The following HMBOX1 variants were observed in gnomAD, a reference collection of about 807,000 sequenced individuals.
HMBOX1 encodes the protein homeobox-containing protein 1.
Under a neutral mutation model 54.5 loss-of-function variants are expected in HMBOX1, and 14 were observed. The observed-to-expected ratio is 0.26, with a 90% CI of 0.17 to 0.40. The LOEUF (loss-of-function observed/expected upper bound fraction) is 0.40. Ranked by LOEUF, HMBOX1 falls within the 10% of genes least tolerant of loss-of-function variation. The probability of loss-of-function intolerance (pLI) is 1.00; values close to 1 mark genes in which losing one functional copy is unlikely to be tolerated. For missense variants in HMBOX1, 332 were observed against 514.4 expected, an observed-to-expected ratio of 0.65 and a Z score of 3.43; for synonymous variants, 160 against 181.0, an observed-to-expected ratio of 0.88 and a Z score of 0.93.
intron 6 of HMBOX1, among the ~76,000 whole-genome samples, chr8:29,026,325 A>G (rs1203506921): frequency 6.6e-6 from 1 of 152,140 alleles, no homozygotes; most frequent in East Asian, 1.9e-4. Flanking sequence ...AGAGACAGAA[A>G]GTAGATAAAT....
chr8:28,932,391 G>A (rs968732067), intron 1 of HMBOX1, among the ~76,000 whole-genome samples: 2 of 152,200 alleles, frequency 1.3e-5, no homozygotes, highest in Non-Finnish European at 2.9e-5. Flanking sequence ...AGAATGGCTT[G>A]TAAATTCTGC....
intron 3 of HMBOX1, among the ~76,000 whole-genome samples, chr8:28,977,584 T>C (rs1339549828): frequency 6.6e-6 from 1 of 152,194 alleles, no homozygotes; most frequent in African/African-American, 2.4e-5. Context: ...AATATATTTA[T>C]TTGTACCTTT....
chr8:29,016,063 A>G (rs1321055685), intron 5 of HMBOX1, among the ~76,000 whole-genome samples: 5 of 152,250 alleles, frequency 3.3e-5, no homozygotes, highest in Admixed American at 6.5e-5. Flanking sequence ...AATCACATAC[A>G]TATTAAAGGC....
chr8:29,004,830 G>A (rs1323521308), intron 4 of HMBOX1, among the ~76,000 whole-genome samples: 2 of 152,104 alleles, frequency 1.3e-5, no homozygotes, highest in Non-Finnish European at 2.9e-5. Context: ...TGATAGTATC[G>A]AGAGGCTGCC....
chr8:28,936,835 C>A (rs1820486563), intron 1 of HMBOX1, among the ~76,000 whole-genome samples: 1 of 146,746 alleles, frequency 6.8e-6, no homozygotes, highest in East Asian at 2.0e-4. Flanking sequence ...AGGCCACTTT[C>A]AAAGAGTTGT....
chr8:28,939,830 C>G (rs1348099671), intron 1 of HMBOX1, among the ~76,000 whole-genome samples: 1 of 151,900 alleles, frequency 6.6e-6, no homozygotes, highest in Non-Finnish European at 1.5e-5. Flanking sequence ...TTAAAAAACA[C>G]CAGCCCTAAC....
Position 29,045,347 on chromosome 8 carries a change from G to A in HMBOX1, c.852-14G>A. On this transcript the variant is annotated splice_polypyrimidine_tract_variant and intron_variant, in intron 6 of 9. Transcript: ENST00000287701. ...AAAATAAAAACTTTGTGTCTGTATC[G>A]GTTGCCTCTGCAGTTACTTCAATGA... 6.2e-7 allele frequency: 1 copy of A among 1,606,976 alleles called. No individual in the cohort carries two copies. The highest frequency in any genetic ancestry group is 8.5e-7 in the Non-Finnish European group (1 of 1,173,648).
Position 28,939,971 on chromosome 8 carries a change from A to G in HMBOX1, c.-57-23840A>G, listed in dbSNP as rs181820587. Among the ~76,000 whole-genome samples, 372 of 152,196 alleles carry G rather than the reference A, an allele frequency of 2.4e-3. 1 individual carries two copies. Among genetic ancestry groups the G allele is most frequent in the African/African-American group, 7.5e-3 (310 of 41,522 alleles). On this transcript the variant is annotated intron_variant, in intron 1 of 9. Coordinates refer to ENST00000287701, the MANE Select transcript of HMBOX1 (RefSeq NM_001135726.3). ...TGATGTTCCCTTTGCTTCTTTGTCT[A>G]TATAATGTCTGCCCTTCAGATCTGA...
intron 1 of HMBOX1, among the ~76,000 whole-genome samples, chr8:28,902,412 C>T (rs1007516615): frequency 6.6e-6 from 1 of 152,074 alleles, no homozygotes; most frequent in Non-Finnish European, 1.5e-5. Context: ...GTAGGCCTAC[C>T]GTTCAGGAAG....
intron 1 of HMBOX1, among the ~76,000 whole-genome samples, chr8:28,948,394 A>G (rs1280851817): frequency 6.6e-6 from 1 of 152,212 alleles, no homozygotes; most frequent in African/African-American, 2.4e-5. Flanking sequence ...GGATTGAGGC[A>G]TAAAAGAAGT....
At chr8:28,930,313 C>T (rs1819272544) in intron 1 of HMBOX1, among the ~76,000 whole-genome samples, 1 of 152,094 alleles carries the variant, frequency 6.6e-6, no homozygotes, top group Non-Finnish European at 1.5e-5. Context: ...AAATTTCTTC[C>T]TTTCTGTTCC....
At chr8:28,979,308 T>C (rs1275147704) in intron 3 of HMBOX1, among the ~76,000 whole-genome samples, 1 of 152,246 alleles carries the variant, frequency 6.6e-6, no homozygotes, top group East Asian at 1.9e-4. Flanking sequence ...TTTGTGAATG[T>C]CTGGTCTTTT....
intron 1 of HMBOX1, among the ~76,000 whole-genome samples, chr8:28,918,676 G>A (rs1193027307): frequency 6.6e-6 from 1 of 152,154 alleles, no homozygotes; most frequent in African/African-American, 2.4e-5. Flanking sequence ...TGAAATGTTT[G>A]TGCTGTATTT....
intron 4 of HMBOX1, among the ~76,000 whole-genome samples, chr8:28,985,571 C>T (rs1222877961): frequency 1.3e-5 from 2 of 152,090 alleles, no homozygotes; most frequent in African/African-American, 4.8e-5. Context: ...TTCTCATTCC[C>T]AAAACATAAG....
intron 3 of HMBOX1, among the ~76,000 whole-genome samples, chr8:28,972,573 A>C (rs959694480): frequency 2.0e-5 from 3 of 152,222 alleles, no homozygotes; most frequent in African/African-American, 7.2e-5. Flanking sequence ...AATTATTCTA[A>C]GTAGAGAGGA....
chr8:28,913,442 A>C (rs1815867637), intron 1 of HMBOX1, among the ~76,000 whole-genome samples: 1 of 151,964 alleles, frequency 6.6e-6, no homozygotes, highest in Non-Finnish European at 1.5e-5. Flanking sequence ...CCTCGCCTTC[A>C]CCATCCCATT....
chr8:29,027,324 C>T (rs921620156), intron 6 of HMBOX1, among the ~76,000 whole-genome samples: 7 of 152,114 alleles, frequency 4.6e-5, no homozygotes, highest in Non-Finnish European at 1.0e-4. Flanking sequence ...ATAGAAAGAA[C>T]AGATACATTT....
At chr8:29,042,583 G>A in intron 6 of HMBOX1, 1 of 454,174 alleles carries the variant, frequency 2.2e-6, no homozygotes, top group Non-Finnish European at 4.4e-6. Flanking sequence ...AGTTAAGGTT[G>A]AAAAATGTGG....
At chr8:28,959,145 T>C (rs2132222665) in intron 1 of HMBOX1, among the ~76,000 whole-genome samples, 1 of 152,310 alleles carries the variant, frequency 6.6e-6, no homozygotes, top group African/African-American at 2.4e-5. Context: ...TGATTTTTTT[T>C]TTTTAACTTA....
Sources: gnomAD v4.1 joint callset for allele counts (sites outside exome capture counted in the v4.1 genomes callset) on GRCh38, gnomAD v4.1.1 for gene constraint, MANE v1.5 for transcripts, NCBI Gene and HGNC (gene_info 2026-07-23, HGNC 2026-07-21) for gene names.